Variants in UHRF1 observed in about 807,000 individuals in gnomAD.
The protein encoded by UHRF1 is ubiquitin like with PHD and ring finger domains 1.
Under a neutral mutation model 96.5 loss-of-function variants are expected in UHRF1, and 9 were observed. The observed-to-expected ratio is 0.09, with a 90% CI of 0.06 to 0.16. UHRF1 has a LOEUF of 0.16. Among genes scored for constraint, UHRF1 ranks in the 10% least tolerant of loss-of-function variants. UHRF1 has a pLI of 1.00. For synonymous variants in UHRF1, 455 were observed against 469.9 expected (o/e 0.97, Z 0.41); for missense variants, 626 against 1,131.1 (o/e 0.55, Z 6.40).
intron 5 of UHRF1, among the ~76,000 whole-genome samples, chr19:4,934,668 G>A (rs982734953): frequency 2.0e-5 from 3 of 152,176 alleles, no homozygotes; most frequent in Admixed American, 1.3e-4. Context: ...AGTACGTGAC[G>A]TGTTGTCTAT....
At chr19:4,938,162 G>C (rs186373510) in intron 5 of UHRF1, among the ~76,000 whole-genome samples, 3 of 151,590 alleles carry the variant, frequency 2.0e-5, no homozygotes, top group African/African-American at 4.9e-5. Context: ...TCGGTGGGGT[G>C]GGGGAGGAAG....
chr19:4,947,043 G>A, intron 10 of UHRF1, 62 bp from the exon 11 acceptor site: 1 of 1,283,192 alleles, frequency 7.8e-7, no homozygotes, highest in Non-Finnish European at 1.1e-6. Context: ...TGCTTTCAAT[G>A]CAGTCTCTTT....
chr19:4,913,930 G>T (rs1176674908), intron 2 of UHRF1, among the ~76,000 whole-genome samples: 1 of 149,110 alleles, frequency 6.7e-6, no homozygotes, highest in Non-Finnish European at 1.5e-5. Flanking sequence ...TTCTGCCTCA[G>T]CCTCCCGAGT....
In UHRF1 at chr19:4,945,866, C is replaced by T. The variant is rs748524392; in HGVS notation, c.1311C>T (p.Ser437=). 1.5e-5 allele frequency: 24 copies of T among 1,604,236 alleles called. No homozygotes were observed. Among genetic ancestry groups the T allele is most frequent in the South Asian group, 4.5e-5 (4 of 89,504 alleles). Residue 437 remains serine (S), a synonymous_variant, in exon 10 of 17, where the codon AGC becomes AGT. Transcript: ENST00000650932. The part of the protein sequence containing the change: ...GTMWRFRVQV[S]ESGVHRPHVA... The stretch of plus-strand genomic sequence containing the variant: ...TATCTTGGTGGCATCCTCAGGTCAG[C>T]GAGTCGGGTGTCCATCGGCCCCACG...
rs574197114 is a variant in UHRF1, at chr19:4,946,671, C to G, written c.1411-434C>G. ...CTCACTACAGCCACTACCTCCTGGG[C>G]TCTAGTGATCCTCCCATGTCAGCCT... On this transcript the variant is annotated intron_variant, in intron 10 of 16. Coordinates refer to ENST00000650932, the MANE Select transcript of UHRF1 (RefSeq NM_001048201.3). 4.6e-5 allele frequency among the ~76,000 whole-genome samples: 7 copies of G among 151,954 alleles called. No individual in the cohort carries two copies. In the South Asian group the frequency reaches 1.3e-3, roughly 27 times the overall value.
intron 2 of UHRF1, among the ~76,000 whole-genome samples, chr19:4,928,135 G>A (rs548787185): frequency 1.3e-5 from 2 of 152,062 alleles, no homozygotes; most frequent in Admixed American, 1.3e-4. Flanking sequence ...TGATGTCTGG[G>A]GACATTTGTG....
At chr19:4,909,833 C>T in intron 1 of UHRF1, 178 bp downstream of exon 1, 1 of 408,906 alleles carries the variant, frequency 2.4e-6, no homozygotes, top group Non-Finnish European at 4.3e-6. Flanking sequence ...ACACATCCGG[C>T]TGGAGCCGGG....
At chr19:4,909,911 C>A (rs994421575) in intron 1 of UHRF1, among the ~76,000 whole-genome samples, 2 of 151,142 alleles carry the variant, frequency 1.3e-5, no homozygotes, top group African/African-American at 2.4e-5. Flanking sequence ...CCTGGCGAGC[C>A]GCCGGGGAGG....
At chr19:4,943,859 C>G (rs1180890284) in intron 7 of UHRF1, among the ~76,000 whole-genome samples, 2 of 152,154 alleles carry the variant, frequency 1.3e-5, no homozygotes, top group African/African-American at 4.8e-5. Context: ...CCGTGTTGGC[C>G]AGGCTGGTCT....
chr19:4,949,426 T>C (rs972799072), intron 11 of UHRF1, among the ~76,000 whole-genome samples: 1 of 151,892 alleles, frequency 6.6e-6, no homozygotes, highest in African/African-American at 2.4e-5. Context: ...GGTAAAAATG[T>C]AAGATGTAAT....
At chr19:4,923,309 T>G (rs1053054846) in intron 2 of UHRF1, among the ~76,000 whole-genome samples, 1 of 152,138 alleles carries the variant, frequency 6.6e-6, no homozygotes, top group East Asian at 1.9e-4. Context: ...GCTGTCGAGG[T>G]CACTTGGTTC....
In UHRF1 at chr19:4,930,591, A is replaced by C. The variant is rs2033015959; in HGVS notation, c.409-125A>C. ...AGCGGTTCCCAGCCAGGGAGGAGAA[A>C]CCTCGCTGTGGGCATTCGAGTTTGC... is the stretch of plus-strand genomic sequence containing the variant. On this transcript the variant is annotated intron_variant, in intron 3 of 16. Transcript: ENST00000650932. The surrounding 1 kb of genome is among the most constrained non-coding windows in gnomAD (Gnocchi z 4.4). The C allele has an allele frequency of 8.1e-7, 1 of 1,232,400 alleles. No individual in the cohort carries two copies. The highest frequency in any genetic ancestry group is 1.1e-6 in the Non-Finnish European group (1 of 886,880). 76.3% of individuals were successfully genotyped at this position (1,232,400 alleles called of 1,614,324 possible).
chr19:4,919,074 G>T (rs1429799634), intron 2 of UHRF1, among the ~76,000 whole-genome samples: 1 of 149,218 alleles, frequency 6.7e-6, no homozygotes, highest in Non-Finnish European at 1.5e-5. Context: ...TCCCAGGCTG[G>T]AGTGCAGCGG....
chr19:4,945,777 C>G, intron 9 of UHRF1, 84 bp from the exon 10 acceptor site: 1 of 1,186,468 alleles, frequency 8.4e-7, no homozygotes. Context: ...GCTGGCTGCT[C>G]GGGGTAGGGA....
chr19:4,945,213 T>C (rs1293287094), intron 9 of UHRF1, among the ~76,000 whole-genome samples: 1 of 152,220 alleles, frequency 6.6e-6, no homozygotes, highest in African/African-American at 2.4e-5. Context: ...ACCGGCCTAA[T>C]GAAGGCCGGC....
intron 1 of UHRF1, 161 bp downstream of exon 1, chr19:4,909,816 C>T (rs1163778658): frequency 4.7e-6 from 2 of 427,784 alleles, no homozygotes; most frequent in Admixed American, 4.5e-5. Flanking sequence ...GGGAATCGTT[C>T]CCCGGCACAC....
At chr19:4,933,431 G>A (rs562221922) in intron 5 of UHRF1, among the ~76,000 whole-genome samples, 1 of 152,178 alleles carries the variant, frequency 6.6e-6, no homozygotes, top group East Asian at 1.9e-4. Flanking sequence ...AACCAGGATG[G>A]TCTCGATCTC....
upstream of UHRF1, among the ~76,000 whole-genome samples, chr19:4,904,670 G>A (rs887707411): frequency 1.6e-4 from 24 of 152,218 alleles, no homozygotes; most frequent in Non-Finnish European, 1.9e-4. Flanking sequence ...TCCCTCCAGG[G>A]TGAGACCTTG....
intron 9 of UHRF1, 72 bp downstream of exon 9, chr19:4,944,522 G>A: frequency 6.4e-7 from 1 of 1,551,090 alleles, no homozygotes; most frequent in Non-Finnish European, 8.9e-7. Flanking sequence ...GTTTCTCCTG[G>A]CTTTGGCCAG....
Sources: allele counts gnomAD v4.1 joint callset (sites outside exome capture counted in the v4.1 genomes callset), GRCh38; gene constraint gnomAD v4.1.1; non-coding constraint Gnocchi (gnomAD v3.1); transcripts MANE v1.5; gene names NCBI Gene and HGNC (gene_info 2026-07-23, HGNC 2026-07-21).